Variants in VIPR2 observed in about 807,000 individuals in gnomAD.
VIPR2 encodes vasoactive intestinal polypeptide receptor 2.
A neutral mutation model predicts 58.0 loss-of-function variants in VIPR2; 48 were observed. That is an observed-to-expected ratio of 0.83 (90% CI 0.66 to 1.05). The LOEUF is 1.05. Among genes scored for constraint, VIPR2 ranks in the 50% least tolerant of loss-of-function variants. VIPR2 has a pLI of 0.00. For synonymous variants in VIPR2, 243 were observed against 235.2 expected (o/e 1.03, Z -0.30); for missense variants, 534 against 558.0 (o/e 0.96, Z 0.43).
rs1192185548 is a variant in VIPR2 at position 159,128,791 on chromosome 7, C to A, written c.151+13655G>T. 6.6e-6 allele frequency among the ~76,000 whole-genome samples: 1 copy of A among 152,214 alleles called. No individual in the cohort carries two copies. The highest frequency in any genetic ancestry group is 1.9e-4 in the East Asian group (1 of 5,192). On this transcript the variant is annotated intron_variant, in intron 2 of 12. Coordinates refer to ENST00000262178, the MANE Select transcript of VIPR2 (RefSeq NM_003382.5). This position sits in a 1 kb window ranked among gnomAD's most constrained non-coding sequence, Gnocchi z 4.1. ...ACATGCGAACCCCACTTCTCAGGAG[C>A]CTTCAGTGGTCTCAGCTCTGCAGGT...
At chr7:159,126,366 G>A (rs550055180) in intron 2 of VIPR2, among the ~76,000 whole-genome samples, 1 of 152,374 alleles carries the variant, frequency 6.6e-6, no homozygotes, top group South Asian at 2.1e-4. Context: ...CAAGTGATAT[G>A]AGGAGAGCTA....
At chr7:159,033,548 C>T (rs1258687535) in intron 10 of VIPR2, among the ~76,000 whole-genome samples, 1 of 152,174 alleles carries the variant, frequency 6.6e-6, no homozygotes, top group African/African-American at 2.4e-5. Context: ...ATAGATTCCC[C>T]GGATCATCAT....
At chr7:159,135,004 G>GTTTTGTTT (rs1797145572) in intron 2 of VIPR2, among the ~76,000 whole-genome samples, 3 of 65,978 alleles carry the variant, frequency 4.5e-5, no homozygotes, top group South Asian at 5.8e-4. Context: ...AATTACAAAA[G>GTTTTGTTT]TTTTTTTTTT....
intron 4 of VIPR2, among the ~76,000 whole-genome samples, chr7:159,072,245 G>A (rs1445704802): frequency 3.3e-5 from 5 of 151,864 alleles, no homozygotes; most frequent in Non-Finnish European, 5.9e-5. Flanking sequence ...AACACACATC[G>A]CTAGACTAGC....
At chr7:159,060,599 C>T (rs932689223) in intron 4 of VIPR2, among the ~76,000 whole-genome samples, 1 of 151,890 alleles carries the variant, frequency 6.6e-6, no homozygotes, top group Non-Finnish European at 1.5e-5. Flanking sequence ...CTAGCCACCA[C>T]CCTCACCTCA....
At chr7:159,075,485 A>G (rs1856589217) in intron 4 of VIPR2, among the ~76,000 whole-genome samples, 1 of 152,204 alleles carries the variant, frequency 6.6e-6, no homozygotes, top group South Asian at 2.1e-4. Flanking sequence ...TAAAATCTTC[A>G]TATCATATTT....
At chr7:159,034,461 C>T (rs543443148) in intron 9 of VIPR2, 120 bp downstream of exon 9, 54 of 1,311,416 alleles carry the variant, frequency 4.1e-5, no homozygotes, top group South Asian at 2.3e-4. Flanking sequence ...GGTCCTTTTC[C>T]GGGAAGGCTG....
chr7:159,107,580 C>T (rs921045677), intron 3 of VIPR2, among the ~76,000 whole-genome samples: 19 of 152,214 alleles, frequency 1.2e-4, no homozygotes, highest in Middle Eastern at 3.2e-3. Flanking sequence ...ACTTGCATCC[C>T]GGGTCCCACT....
chr7:159,134,050 TAA>T (rs1284037484), intron 2 of VIPR2, among the ~76,000 whole-genome samples: 2 of 152,340 alleles, frequency 1.3e-5, no homozygotes, highest in East Asian at 1.9e-4. Flanking sequence ...GAAATTATAC[TAA>T]GTTAAATTAA....
At position 159,093,872 on chromosome 7, in the gene VIPR2, C is replaced by T. The variant is rs1254965353; in HGVS notation, c.357+9885G>A. ...GTCCCTGAGTCTCCTGGACAGCGGCCACCCCATGCCCAGTGCTGACGGGCG... is the reference window on the plus strand; with the variant it reads ...GTCCCTGAGTCTCCTGGACAGCGGCTACCCCATGCCCAGTGCTGACGGGCG... On this transcript the variant is annotated intron_variant, in intron 4 of 12. Coordinates refer to ENST00000262178, the MANE Select transcript of VIPR2 (RefSeq NM_003382.5). The surrounding 1 kb of genome is among the most constrained non-coding windows in gnomAD (Gnocchi z 6.7). Among the ~76,000 whole-genome samples the T allele has an allele frequency of 6.6e-6, 1 of 152,170 alleles. No individual in the cohort carries two copies. The highest frequency in any genetic ancestry group is 1.5e-5 in the Non-Finnish European group (1 of 68,030).
rs1393891610 is a variant in VIPR2 at position 159,109,869 on chromosome 7, C to T, written c.202G>A (p.Gly68Arg). Residue 68 changes from glycine (G) to arginine (R), a missense_variant, in exon 3 of 13, where the codon GGA (glycine) becomes AGA (arginine). By Grantham distance (125) the Gly-to-Arg change is moderately radical. Around this residue, in one of 3 missense-constraint regions of VIPR2, gnomAD observed 224 missense variants for 255.7 expected, o/e 0.88. Coordinates refer to ENST00000262178, the MANE Select transcript of VIPR2 (RefSeq NM_003382.5). ...NITCWRPANV[G>R]ETVTVPCPKV... is the part of the protein sequence containing the mutation. ...GGGCAGGGCACCGTGACGGTCTCTC[C>T]CACATTGGCAGGCCGCCAGCACGTG... 1 of 1,614,138 alleles carries T rather than the reference C, an allele frequency of 6.2e-7. No individual in the cohort carries two copies. Among genetic ancestry groups the T allele is most frequent in the Non-Finnish European group, 8.5e-7 (1 of 1,180,036 alleles).
At chr7:159,144,324 G>A in intron 1 of VIPR2, 2 of 1,522,920 alleles carry the variant, frequency 1.3e-6, no homozygotes, top group African/African-American at 2.8e-5. Context: ...GGACCGAGAG[G>A]CATCTGCGGC....
In VIPR2 at chr7:159,067,437, C is replaced by T. The variant is rs573946006; in HGVS notation, c.358-8859G>A. 4.6e-5 allele frequency among the ~76,000 whole-genome samples: 7 copies of T among 152,334 alleles called. No homozygotes were observed. In the South Asian group the frequency reaches 1.4e-3, roughly 32 times the overall value. On this transcript the variant is annotated intron_variant, in intron 4 of 12. Coordinates refer to ENST00000262178, the MANE Select transcript of VIPR2 (RefSeq NM_003382.5). ...ATTTGAACAGCACTAACCTTTCCAC[C>T]AACGGCCCAGAACCCAGCGTGCATG...
chr7:159,116,413 T>A (rs1267153941), intron 2 of VIPR2, among the ~76,000 whole-genome samples: 1 of 152,124 alleles, frequency 6.6e-6, no homozygotes, highest in Admixed American at 6.5e-5. Context: ...AGTGCCCGCA[T>A]GGTCAGTGCA....
chr7:159,091,563 T>G (rs1056141549), intron 4 of VIPR2, among the ~76,000 whole-genome samples: 2 of 152,226 alleles, frequency 1.3e-5, no homozygotes, highest in African/African-American at 4.8e-5. Context: ...CATGCCTGCC[T>G]CGCAGGGGGC....
intron 4 of VIPR2, among the ~76,000 whole-genome samples, chr7:159,067,091 C>G (rs941356499): frequency 7.9e-5 from 12 of 152,198 alleles, no homozygotes; most frequent in Non-Finnish European, 1.5e-4. Flanking sequence ...TTTTGGTGCT[C>G]ACGGTCACAT....
rs1585558384 is a variant in VIPR2 at position 159,131,104 on chromosome 7, C to T, written c.151+11342G>A. Among the ~76,000 whole-genome samples the T allele has an allele frequency of 1.3e-5, 2 of 152,262 alleles. 1 individual carries two copies. ...TGCCAGGGGTGTGATAGGGGAGACTCTAGCCAGTGGAACGAGGAGGGGTCA... is the reference window on the plus strand; with the variant it reads ...TGCCAGGGGTGTGATAGGGGAGACTTTAGCCAGTGGAACGAGGAGGGGTCA... On this transcript the variant is annotated intron_variant, in intron 2 of 12. Transcript: ENST00000262178.
chr7:159,111,083 G>T (rs1288579715), intron 2 of VIPR2, among the ~76,000 whole-genome samples: 1 of 152,324 alleles, frequency 6.6e-6, no homozygotes, highest in Admixed American at 6.5e-5. Flanking sequence ...CTCCAGGCGT[G>T]AGCCCCCGTG....
chr7:159,039,436 C>T (rs1854179614), intron 6 of VIPR2, among the ~76,000 whole-genome samples: 1 of 152,102 alleles, frequency 6.6e-6, no homozygotes, highest in East Asian at 1.9e-4. Context: ...CGAGATCCTG[C>T]CACTGCACTC....
Sources: gnomAD v4.1 joint callset for allele counts (sites outside exome capture counted in the v4.1 genomes callset) on GRCh38, gnomAD v4.1.1 for gene constraint, gnomAD v4.1.1 regional missense constraint, Gnocchi (gnomAD v3.1) non-coding constraint, MANE v1.5 for transcripts, NCBI Gene and HGNC (gene_info 2026-07-23, HGNC 2026-07-21) for gene names.